MED27: variants seen among roughly 807,000 people sequenced by gnomAD.
MED27 encodes the protein mediator complex subunit 27.
MED27 carries 30 observed loss-of-function variants against 38.2 expected under a neutral mutation model. The ratio of observed to expected loss-of-function variants is 0.79; its 90% confidence interval spans 0.59 to 1.07. The LOEUF is 1.07. MED27 is among the 50% of genes least tolerant of loss of function. MED27 has a pLI of 0.00. For missense variants in MED27, 289 were observed against 397.5 expected (o/e 0.73, Z 2.32); for synonymous variants, 122 against 153.5 (o/e 0.79, Z 1.52).
chr9:131,902,738 C>T (rs146961291), intron 4 of MED27, among the ~76,000 whole-genome samples: 16 of 152,270 alleles, frequency 1.1e-4, no homozygotes, highest in Admixed American at 1.0e-3. Flanking sequence ...GACTAGACTC[C>T]AGATACAAAG....
chr9:131,945,031 T>A (rs1015056356), intron 3 of MED27, among the ~76,000 whole-genome samples: 1 of 149,744 alleles, frequency 6.7e-6, no homozygotes, highest in African/African-American at 2.4e-5. Flanking sequence ...CTTTTCTGAA[T>A]GGTTAACTTT....
intron 4 of MED27, among the ~76,000 whole-genome samples, chr9:131,932,580 C>T (rs967531364): frequency 1.3e-5 from 2 of 151,340 alleles, no homozygotes; most frequent in African/African-American, 2.4e-5. Flanking sequence ...AAATCTAAAA[C>T]CTGAACAGAC....
chr9:131,949,962 A>C (rs1338610648), intron 3 of MED27, among the ~76,000 whole-genome samples: 2 of 151,702 alleles, frequency 1.3e-5, no homozygotes, highest in Admixed American at 1.3e-4. Flanking sequence ...TATATTAATA[A>C]CTAAAAATAT....
At chr9:131,867,170 G>A (rs1283656694) in intron 6 of MED27, among the ~76,000 whole-genome samples, 2 of 152,318 alleles carry the variant, frequency 1.3e-5, no homozygotes, top group Admixed American at 6.5e-5. Flanking sequence ...GTGTGCAGAC[G>A]GTGAGAAGGA....
rs933421796 is a variant in MED27, at chr9:131,997,741, C to G, written c.479+16596G>C. On this transcript the variant is annotated intron_variant, in intron 3 of 7. Transcript: ENST00000292035. This position sits in a 1 kb window ranked among gnomAD's most constrained non-coding sequence, Gnocchi z 4.0. ...GAATTCCAGTCCCAGCACTTCCTAG[C>G]TGGGGGCCTCCAGACAAGGTGGGAG... 2.0e-5 allele frequency among the ~76,000 whole-genome samples: 3 copies of G among 152,224 alleles called. No homozygotes were observed. Among genetic ancestry groups the G allele is most frequent in the Non-Finnish European group, 4.4e-5 (3 of 68,034 alleles).
chr9:131,902,868 A>G (rs9411413), intron 4 of MED27, among the ~76,000 whole-genome samples: 86,218 of 152,086 alleles, frequency 0.57, 25,542 homozygotes, highest in Middle Eastern at 0.68. Flanking sequence ...CGTGCCAGCA[A>G]GATGGGAGCT....
At chr9:131,931,158 T>C (rs960988013) in intron 4 of MED27, among the ~76,000 whole-genome samples, 1 of 152,024 alleles carries the variant, frequency 6.6e-6, no homozygotes, top group African/African-American at 2.4e-5. Flanking sequence ...GGAGGGAGGA[T>C]CACTTGAGCT....
intron 2 of MED27, among the ~76,000 whole-genome samples, chr9:132,021,346 C>CA (rs1832712586): frequency 6.6e-6 from 1 of 152,048 alleles, no homozygotes; most frequent in Non-Finnish European, 1.5e-5. Context: ...GAGAATGACT[C>CA]ACATATCTGA....
intron 4 of MED27, among the ~76,000 whole-genome samples, chr9:131,900,806 A>G (rs1237805333): frequency 6.6e-6 from 1 of 152,004 alleles, no homozygotes; most frequent in Non-Finnish European, 1.5e-5. Flanking sequence ...TTTATGTAAA[A>G]CCATCCATGA....
At chr9:131,894,127 C>G in intron 4 of MED27, 135 bp from the exon 5 acceptor site, 1 of 631,368 alleles carries the variant, frequency 1.6e-6, no homozygotes, top group Admixed American at 2.5e-5. Context: ...TCCTCCAGCA[C>G]TGGAAAATGA....
intron 2 of MED27, among the ~76,000 whole-genome samples, chr9:132,059,061 C>G (rs980684651): frequency 6.6e-6 from 1 of 152,212 alleles, no homozygotes; most frequent in African/African-American, 2.4e-5. Context: ...TCTGAAAACC[C>G]CACTTGACTG....
intron 4 of MED27, among the ~76,000 whole-genome samples, chr9:131,918,107 GA>G (rs1830325577): frequency 6.6e-6 from 1 of 152,208 alleles, no homozygotes; most frequent in Admixed American, 6.5e-5. Context: ...GCCAGCCATT[GA>G]AATATACCTG....
At chr9:132,013,103 G>A (rs1832518639) in intron 3 of MED27, among the ~76,000 whole-genome samples, 1 of 152,206 alleles carries the variant, frequency 6.6e-6, no homozygotes, top group Non-Finnish European at 1.5e-5. Context: ...ACACTGACAG[G>A]AAATGGACTG....
At chr9:131,896,881 G>A (rs1041839303) in intron 4 of MED27, among the ~76,000 whole-genome samples, 5 of 152,098 alleles carry the variant, frequency 3.3e-5, no homozygotes, top group Non-Finnish European at 7.4e-5. Context: ...ACAGGCGTGC[G>A]CCACCACGCC....
rs746020018 is a variant in MED27, at chr9:132,073,720, C to T, written c.348+3722G>A. On this transcript the variant is annotated intron_variant, in intron 2 of 7. Transcript: ENST00000292035. ...TCTTCAGACTTTCCAATGGAATATTCTTGGAATAGAAAGTTGCTCTTTCTG... is the reference window on the plus strand; with the variant it reads ...TCTTCAGACTTTCCAATGGAATATTTTTGGAATAGAAAGTTGCTCTTTCTG... 6.9e-4 allele frequency: 1,043 copies of T among 1,515,024 alleles called. 3 individuals carry two copies. Among genetic ancestry groups the T allele is most frequent in the Non-Finnish European group, 8.5e-4 (974 of 1,140,378 alleles). The allele number at this position is 1,515,024 out of a possible 1,614,324, so 93.8% of individuals were successfully genotyped here.
At chr9:132,044,741 A>G (rs756457484) in intron 2 of MED27, among the ~76,000 whole-genome samples, 9 of 152,258 alleles carry the variant, frequency 5.9e-5, no homozygotes, top group Non-Finnish European at 1.3e-4. Context: ...AATTCCCTGT[A>G]GAAGCCAATC....
rs145398259 is a variant in MED27 at position 131,883,497 on chromosome 9, A to G, written c.723+561T>C. On this transcript the variant is annotated intron_variant, in intron 6 of 7. Coordinates refer to ENST00000292035, the MANE Select transcript of MED27 (RefSeq NM_004269.4). This position sits in a 1 kb window ranked among gnomAD's most constrained non-coding sequence, Gnocchi z 4.2. ...ATAACAGTTTTTCATAAGGAAGCCC[A>G]ATATCTGAAAAAGATACAGTGTCCC... Among the ~76,000 whole-genome samples the G allele has an allele frequency of 1.8e-3, 269 of 152,258 alleles. No homozygotes were observed. The highest frequency in any genetic ancestry group is 6.1e-3 in the African/African-American group (254 of 41,526).
intron 3 of MED27, among the ~76,000 whole-genome samples, chr9:131,996,473 T>C (rs1832092970): frequency 6.6e-6 from 1 of 152,178 alleles, no homozygotes; most frequent in African/African-American, 2.4e-5. Flanking sequence ...GAGGCTATAG[T>C]TGATCTTGAT....
At chr9:132,063,902 G>T (rs975822229) in intron 2 of MED27, among the ~76,000 whole-genome samples, 1 of 152,192 alleles carries the variant, frequency 6.6e-6, no homozygotes, top group Non-Finnish European at 1.5e-5. Context: ...AGGTGAAGTG[G>T]AAGAAACTTG....
Sources: allele counts gnomAD v4.1 joint callset (sites outside exome capture counted in the v4.1 genomes callset), GRCh38; gene constraint gnomAD v4.1.1; non-coding constraint Gnocchi (gnomAD v3.1); transcripts MANE v1.5; gene names NCBI Gene and HGNC (gene_info 2026-07-23, HGNC 2026-07-21).